Variants in ASTN2 observed in about 807,000 individuals in gnomAD.
ASTN2 encodes the protein astrotactin-2.
Under a neutral mutation model 139.8 loss-of-function variants are expected in ASTN2, and 54 were observed. The ratio of observed to expected loss-of-function variants is 0.39; its 90% CI spans 0.31 to 0.48. ASTN2 has a LOEUF of 0.48. Ranked by LOEUF, ASTN2 falls within the 20% of genes least tolerant of loss-of-function variation. The probability of loss-of-function intolerance (pLI) is 0.95; values close to 1 mark genes in which losing one functional copy is unlikely to be tolerated. For missense variants in ASTN2, 1,565 were observed against 1,725.1 expected, an observed-to-expected ratio of 0.91 and a Z score of 1.64; for synonymous variants, 756 against 719.5, an observed-to-expected ratio of 1.05 and a Z score of -0.81.
At chr9:117,161,346 T>C (rs760174442) in intron 3 of ASTN2, among the ~76,000 whole-genome samples, 4 of 151,974 alleles carry the variant, frequency 2.6e-5, no homozygotes, top group Admixed American at 1.3e-4. Flanking sequence ...AGAAAGCGCT[T>C]CCATTGAGGA....
intron 10 of ASTN2, among the ~76,000 whole-genome samples, chr9:116,917,642 C>A (rs1453159803): frequency 3.3e-5 from 5 of 152,158 alleles, no homozygotes; most frequent in Non-Finnish European, 7.4e-5. Flanking sequence ...TTCTGGTCCC[C>A]AGAGGATTCC....
chr9:116,625,381 CT>C (rs1397061981), intron 17 of ASTN2, among the ~76,000 whole-genome samples: 1 of 152,146 alleles, frequency 6.6e-6, no homozygotes, highest in Non-Finnish European at 1.5e-5. Flanking sequence ...TTGCAGTGAG[CT>C]GAGATTGCGC....
intron 19 of ASTN2, among the ~76,000 whole-genome samples, chr9:116,615,428 ATGTT>A (rs1855792525): frequency 6.6e-6 from 1 of 152,170 alleles, no homozygotes; most frequent in South Asian, 2.1e-4. Context: ...GTGCACACGT[ATGTT>A]TATTGTGGCA....
intron 2 of ASTN2, among the ~76,000 whole-genome samples, chr9:117,239,809 G>A (rs1225129208): frequency 6.6e-6 from 1 of 152,172 alleles, no homozygotes; most frequent in Non-Finnish European, 1.5e-5. Flanking sequence ...AGGCATGCAA[G>A]TGAATGCAAA....
chr9:116,558,813 A>G (rs975062571), intron 19 of ASTN2, among the ~76,000 whole-genome samples: 3 of 152,340 alleles, frequency 2.0e-5, no homozygotes, highest in African/African-American at 7.2e-5. Flanking sequence ...GTTTCCTCAG[A>G]TGTAAAAAGG....
intron 12 of ASTN2, among the ~76,000 whole-genome samples, chr9:116,819,973 T>A (rs1001803408): frequency 6.6e-6 from 1 of 152,220 alleles, no homozygotes; most frequent in Non-Finnish European, 1.5e-5. Context: ...ACATGACTTG[T>A]CAGAAGTCAC....
At chr9:117,072,932 TAA>T (rs1256482218) in intron 5 of ASTN2, among the ~76,000 whole-genome samples, 1 of 151,864 alleles carries the variant, frequency 6.6e-6, no homozygotes, top group East Asian at 1.9e-4. Flanking sequence ...GCAAAAGAGT[TAA>T]GACTTCAAAG....
At chr9:116,443,172 C>T (rs1430911414) in intron 20 of ASTN2, among the ~76,000 whole-genome samples, 1 of 152,120 alleles carries the variant, frequency 6.6e-6, no homozygotes, top group Non-Finnish European at 1.5e-5. Context: ...TGAAAGCCTT[C>T]CTGAAGAAGA....
intron 13 of ASTN2, among the ~76,000 whole-genome samples, chr9:116,786,616 G>A (rs922566518): frequency 6.6e-6 from 1 of 152,110 alleles, no homozygotes; most frequent in Non-Finnish European, 1.5e-5. Context: ...ATGGGGGATA[G>A]GGGAAAAGGA....
intron 20 of ASTN2, among the ~76,000 whole-genome samples, chr9:116,476,617 C>T (rs898726277): frequency 1.3e-5 from 2 of 152,230 alleles, no homozygotes; most frequent in African/African-American, 4.8e-5. Flanking sequence ...TACTGTGAGG[C>T]ACCTCCTAGA....
intron 12 of ASTN2, among the ~76,000 whole-genome samples, chr9:116,807,276 G>A (rs1175356840): frequency 6.6e-5 from 10 of 152,196 alleles, no homozygotes; most frequent in Non-Finnish European, 1.2e-4. Context: ...CACAGGTTGT[G>A]GGAACCAGTA....
chr9:117,078,831 G>A (rs1017010940), intron 5 of ASTN2, among the ~76,000 whole-genome samples: 9 of 152,148 alleles, frequency 5.9e-5, no homozygotes, highest in African/African-American at 2.2e-4. Flanking sequence ...CACCTCCCAG[G>A]TTCAAGTGAT....
intron 5 of ASTN2, among the ~76,000 whole-genome samples, chr9:117,087,494 C>A (rs557165495): frequency 5.3e-5 from 8 of 152,128 alleles, no homozygotes; most frequent in African/African-American, 1.9e-4. Flanking sequence ...TCCCAAAGTA[C>A]CGAGATTACA....
At chr9:117,212,174 T>C (rs1339636452) in intron 3 of ASTN2, among the ~76,000 whole-genome samples, 3 of 152,164 alleles carry the variant, frequency 2.0e-5, no homozygotes, top group Non-Finnish European at 4.4e-5. Context: ...TGGCAGTCTC[T>C]CCAGTAAATC....
chr9:117,400,962 C>G (rs1317337414), intron 1 of ASTN2, among the ~76,000 whole-genome samples: 1 of 152,130 alleles, frequency 6.6e-6, no homozygotes, highest in African/African-American at 2.4e-5. Context: ...ATCCTAAGCT[C>G]TCTCCAGCTG....
chr9:116,495,561 T>C (rs372129447), intron 19 of ASTN2, among the ~76,000 whole-genome samples: 1 of 152,216 alleles, frequency 6.6e-6, no homozygotes, highest in East Asian at 1.9e-4. Flanking sequence ...TGAGTTAGTA[T>C]TTTTGCATTT....
intron 5 of ASTN2, among the ~76,000 whole-genome samples, chr9:117,044,052 A>C (rs1260640148): frequency 2.0e-5 from 3 of 152,226 alleles, no homozygotes; most frequent in African/African-American, 7.2e-5. Flanking sequence ...TTGTAAGAAC[A>C]AAATGGGTCA....
At chr9:116,795,213 C>T (rs995354055) in intron 13 of ASTN2, among the ~76,000 whole-genome samples, 5 of 152,068 alleles carry the variant, frequency 3.3e-5, no homozygotes, top group East Asian at 3.9e-4. Flanking sequence ...CTCCTGACCT[C>T]GTGATCCACC....
intron 10 of ASTN2, among the ~76,000 whole-genome samples, chr9:116,903,435 T>C (rs543784156): frequency 1.3e-5 from 2 of 152,336 alleles, no homozygotes; most frequent in African/African-American, 4.8e-5. Context: ...CACAACAGTA[T>C]CTCCCATCTC....
Sources: gnomAD v4.1 joint callset for allele counts (sites outside exome capture counted in the v4.1 genomes callset) on GRCh38, gnomAD v4.1.1 for gene constraint, MANE v1.5 for transcripts, NCBI Gene and HGNC (gene_info 2026-07-23, HGNC 2026-07-21) for gene names.